GABRB1: variants seen among roughly 807,000 people sequenced by gnomAD.
The protein encoded by GABRB1 is gamma-aminobutyric acid type A receptor subunit beta1.
A neutral mutation model predicts 51.6 loss-of-function variants in GABRB1; 17 were observed. That is an observed-to-expected ratio of 0.33 (90% confidence interval 0.23 to 0.49). GABRB1 has a LOEUF of 0.49. Among genes scored for constraint, GABRB1 ranks in the 20% least tolerant of loss-of-function variants. The probability of loss-of-function intolerance (pLI) is 0.99; values close to 1 mark genes in which losing one functional copy is unlikely to be tolerated. For missense variants in GABRB1, 410 were observed against 600.6 expected (o/e 0.68, Z 3.32); for synonymous variants, 247 against 218.9 (o/e 1.13, Z -1.14).
At chr4:47,267,709 T>C (rs1560306219) in intron 4 of GABRB1, among the ~76,000 whole-genome samples, 1 of 152,128 alleles carries the variant, frequency 6.6e-6, no homozygotes, top group East Asian at 1.9e-4. Flanking sequence ...GCAGGAGAAT[T>C]GCTTGAACCC....
At chr4:47,118,529 A>G (rs528157872) in intron 3 of GABRB1, among the ~76,000 whole-genome samples, 5 of 152,198 alleles carry the variant, frequency 3.3e-5, no homozygotes, top group Non-Finnish European at 7.4e-5. Flanking sequence ...TATCTTGTTC[A>G]CTGAAATGTA....
chr4:47,320,444 T>C (rs1329138455), intron 5 of GABRB1, among the ~76,000 whole-genome samples: 1 of 152,214 alleles, frequency 6.6e-6, no homozygotes, highest in Non-Finnish European at 1.5e-5. Flanking sequence ...TTTCTCCTTC[T>C]CAGAACGTAG....
At chr4:47,044,562 T>C (rs143532484) in intron 3 of GABRB1, among the ~76,000 whole-genome samples, 133 of 152,168 alleles carry the variant, frequency 8.7e-4, no homozygotes, top group African/African-American at 3.0e-3. Context: ...GCTATGAGTG[T>C]CACGAGATAT....
At chr4:47,026,820 T>C (rs371443612), upstream of GABRB1, among the ~76,000 whole-genome samples, 5 of 152,076 alleles carry the variant, frequency 3.3e-5, no homozygotes, top group African/African-American at 9.6e-5. Context: ...ATTATCTCAG[T>C]AGAGGTTAAA....
intron 1 of GABRB1, among the ~76,000 whole-genome samples, chr4:47,012,126 C>A (rs535184954): frequency 8.5e-5 from 13 of 152,242 alleles, no homozygotes; most frequent in African/African-American, 3.1e-4. Flanking sequence ...TATATTTTTA[C>A]ATGTGTATAC....
At chr4:47,135,910 G>A (rs370608622) in intron 3 of GABRB1, among the ~76,000 whole-genome samples, 56 of 152,170 alleles carry the variant, frequency 3.7e-4, no homozygotes, top group African/African-American at 1.2e-3. Context: ...TGCTTTGTCT[G>A]TAATAGCTTC....
At chr4:47,308,265 T>C (rs1724540209) in intron 4 of GABRB1, among the ~76,000 whole-genome samples, 1 of 152,018 alleles carries the variant, frequency 6.6e-6, no homozygotes, top group South Asian at 2.1e-4. Flanking sequence ...TGATTACAAA[T>C]ATGCAAAAAG....
intron 8 of GABRB1, among the ~76,000 whole-genome samples, chr4:47,409,520 A>T (rs1401075961): frequency 1.3e-5 from 2 of 151,782 alleles, no homozygotes; most frequent in Non-Finnish European, 2.9e-5. Flanking sequence ...CTATTATGCC[A>T]CTCTTCTGCT....
chr4:47,244,896 A>G (rs568643756), intron 4 of GABRB1, among the ~76,000 whole-genome samples: 2 of 152,350 alleles, frequency 1.3e-5, no homozygotes, highest in South Asian at 4.1e-4. Context: ...AAAGCACGAA[A>G]GATCTAAAAT....
At chr4:47,052,636 T>C (rs1172394552) in intron 3 of GABRB1, among the ~76,000 whole-genome samples, 1 of 152,196 alleles carries the variant, frequency 6.6e-6, no homozygotes, top group Non-Finnish European at 1.5e-5. Flanking sequence ...AGATCAATGC[T>C]GTAAATTTCT....
chr4:47,220,103 C>G (rs1016429696), intron 4 of GABRB1, among the ~76,000 whole-genome samples: 2 of 151,994 alleles, frequency 1.3e-5, no homozygotes, highest in African/African-American at 4.8e-5. Context: ...TTAAAAGAGT[C>G]CCTATTCTAA....
chr4:47,012,737 T>C (rs891338010), intron 1 of GABRB1, among the ~76,000 whole-genome samples: 12 of 152,214 alleles, frequency 7.9e-5, no homozygotes, highest in Admixed American at 2.6e-4. Flanking sequence ...CTCCACTATC[T>C]TAGATTCCCT....
intron 4 of GABRB1, among the ~76,000 whole-genome samples, chr4:47,168,800 C>G (rs1015855659): frequency 9.9e-5 from 15 of 152,202 alleles, no homozygotes; most frequent in African/African-American, 2.2e-4. Context: ...TCTCACAGTT[C>G]TGGAAGCTAG....
intron 3 of GABRB1, among the ~76,000 whole-genome samples, chr4:47,158,261 T>C (rs1175820982): frequency 2.0e-5 from 3 of 152,086 alleles, no homozygotes; most frequent in Non-Finnish European, 4.4e-5. Context: ...CATTCAGTGT[T>C]ATTTTGCCAT....
At position 47,365,767 on chromosome 4, in the gene GABRB1, C is replaced by G. The variant is rs193011810; in HGVS notation, c.545-37551C>G. ...TGACTCCATCCCTCTGCCAAGACCA[C>G]GGCTCCTACCTGAGGGCCTTCTCCT... On this transcript the variant is annotated intron_variant, in intron 5 of 8. Coordinates refer to ENST00000295454, the MANE Select transcript of GABRB1 (RefSeq NM_000812.4). 1.4e-3 allele frequency among the ~76,000 whole-genome samples: 214 copies of G among 152,280 alleles called. 2 individuals carry two copies. In the Middle Eastern group the frequency reaches 0.024, roughly 17 times the overall value.
chr4:47,312,654 C>CTTTCACAT (rs1724746006), intron 4 of GABRB1, among the ~76,000 whole-genome samples: 5 of 152,102 alleles, frequency 3.3e-5, no homozygotes, highest in Admixed American at 3.3e-4. Context: ...AGGGGATTTT[C>CTTTCACAT]TTTCACATTT....
intron 4 of GABRB1, among the ~76,000 whole-genome samples, chr4:47,243,470 C>T (rs1291992058): frequency 6.6e-6 from 1 of 152,128 alleles, no homozygotes; most frequent in Non-Finnish European, 1.5e-5. Context: ...CTATAAATTA[C>T]CTTGGGCAGT....
intron 7 of GABRB1, among the ~76,000 whole-genome samples, chr4:47,406,132 C>G (rs1171112714): frequency 6.6e-6 from 1 of 151,274 alleles, no homozygotes; most frequent in Admixed American, 6.6e-5. Context: ...CATGTTTCCT[C>G]TTTTGGTGAT....
At chr4:47,263,593 C>T (rs771338494) in intron 4 of GABRB1, among the ~76,000 whole-genome samples, 2 of 152,038 alleles carry the variant, frequency 1.3e-5, no homozygotes, top group Non-Finnish European at 2.9e-5. Context: ...TCAATCTCTG[C>T]CCACTCTTTA....
Sources: gnomAD v4.1 joint callset for allele counts (sites outside exome capture counted in the v4.1 genomes callset) on GRCh38, gnomAD v4.1.1 for gene constraint, MANE v1.5 for transcripts, NCBI Gene and HGNC (gene_info 2026-07-23, HGNC 2026-07-21) for gene names.